The following XIRP2 variants were observed in gnomAD, a reference collection of about 807,000 sequenced individuals.
XIRP2 encodes the protein xin actin-binding repeat-containing protein 2.
In XIRP2, 236 loss-of-function variants were observed where a neutral mutation model predicts 277.0. The ratio of observed to expected loss-of-function variants is 0.85; its 90% CI spans 0.77 to 0.95. The LOEUF (loss-of-function observed/expected upper bound fraction) is 0.95, where lower values mean the gene tolerates loss of function less well. Ranked by LOEUF, XIRP2 falls within the 40% of genes least tolerant of loss-of-function variation. XIRP2 has a pLI of 0.00. For synonymous variants in XIRP2, 1,490 were observed against 1,416.5 expected (o/e 1.05, Z -1.17); for missense variants, 4,640 against 4,157.5 (o/e 1.12, Z -3.19).
intron 2 of XIRP2, among the ~76,000 whole-genome samples, chr2:167,020,050 T>A (rs1687938447): frequency 6.6e-6 from 1 of 152,074 alleles, no homozygotes; most frequent in Admixed American, 6.6e-5. Flanking sequence ...TCAAGCATAA[T>A]GAAGACCATA....
chr2:167,052,272 T>G (rs1241403099), intron 2 of XIRP2, among the ~76,000 whole-genome samples: 2 of 134,252 alleles, frequency 1.5e-5, no homozygotes, highest in East Asian at 4.6e-4. Context: ...CATTTTATAT[T>G]AAATTATTGT....
Position 167,019,838 on chromosome 2 carries a change from T to C in XIRP2, c.408+115948T>C, listed in dbSNP as rs555007272. Among the ~76,000 whole-genome samples, 21 of 152,162 alleles carry C rather than the reference T, an allele frequency of 1.4e-4. No homozygotes were observed. The Middle Eastern group carries it at 0.01, about 74-fold the overall frequency. On this transcript the variant is annotated intron_variant, in intron 2 of 10. Transcript: ENST00000409195. ...TGTTACACTTACCCCATCTGAAAAATTGTCACATTTTAATGACTGCATTAA... is the reference window on the plus strand; with the variant it reads ...TGTTACACTTACCCCATCTGAAAAACTGTCACATTTTAATGACTGCATTAA...
intron 1 of XIRP2, chr2:166,889,608 G>T: frequency 6.5e-6 from 1 of 153,096 alleles, no homozygotes; most frequent in South Asian, 2.1e-4. Flanking sequence ...GTTTCCAGAT[G>T]ATCACCAGCC....
At chr2:166,894,531 G>A (rs1684190827) in intron 1 of XIRP2, among the ~76,000 whole-genome samples, 1 of 152,106 alleles carries the variant, frequency 6.6e-6, no homozygotes, top group Admixed American at 6.6e-5. Flanking sequence ...TAATTGAGTT[G>A]CTCTTAATAT....
chr2:167,105,038 C>T (rs968043081), intron 2 of XIRP2, among the ~76,000 whole-genome samples: 1 of 152,064 alleles, frequency 6.6e-6, no homozygotes, highest in Non-Finnish European at 1.5e-5. Context: ...TATTGAATAG[C>T]AAAACCCACT....
intron 2 of XIRP2, among the ~76,000 whole-genome samples, chr2:166,984,335 G>T (rs1172286486): frequency 6.6e-6 from 1 of 152,152 alleles, no homozygotes; most frequent in Non-Finnish European, 1.5e-5. Flanking sequence ...CTTTGAAGAA[G>T]ACACAGTAGC....
Position 167,243,503 on chromosome 2 carries a change from T to C in XIRP2, c.2111T>C (p.Leu704Pro), listed in dbSNP as rs1159259024. 1 of 1,614,094 alleles carries C rather than the reference T, an allele frequency of 6.2e-7. No homozygotes were observed. Among genetic ancestry groups the C allele is most frequent in the Non-Finnish European group, 8.5e-7 (1 of 1,179,970 alleles). The change falls in exon 9 of 11, where the codon CTT becomes CCT. Residue 704 changes from leucine (L) to proline (P), a missense_variant. Coordinates refer to ENST00000409195, the MANE Select transcript of XIRP2 (RefSeq NM_152381.6). Reference sequence around the variant, plus strand: ...TTTGAAACTCAACATCTAGATCAACTTGGACAGCTTCATTCAGTGGATGAG... The same window carrying C: ...TTTGAAACTCAACATCTAGATCAACCTGGACAGCTTCATTCAGTGGATGAG... Reference protein sequence around the residue: ...YMFETQHLDQLGQLHSVDEVH... With the variant: ...YMFETQHLDQPGQLHSVDEVH...
chr2:166,922,021 T>C (rs988106321), intron 2 of XIRP2, among the ~76,000 whole-genome samples: 4 of 152,150 alleles, frequency 2.6e-5, no homozygotes, highest in African/African-American at 4.8e-5. Context: ...GCTTCTTTCA[T>C]TGGCCTTTTT....
intron 3 of XIRP2, among the ~76,000 whole-genome samples, chr2:167,194,048 T>C (rs889518835): frequency 3.9e-5 from 6 of 151,912 alleles, no homozygotes; most frequent in African/African-American, 1.2e-4. Context: ...GATATATAAA[T>C]TTTCATTGTT....
Position 167,243,823 on chromosome 2 carries a change from T to G in XIRP2, c.2431T>G (p.Leu811Val). 1 of 1,613,884 alleles carries G rather than the reference T, an allele frequency of 6.2e-7. No homozygotes were observed. The highest frequency in any genetic ancestry group is 8.5e-7 in the Non-Finnish European group (1 of 1,179,932). ...AGGTGGGGTGAGTAAGGCAAAGTGG[T>G]TATTTGAAACCCAACCTTTGGAGAA... ...VKGGVSKAKW[L>V]FETQPLEKIK... Residue 811 changes from leucine (L) to valine (V), a missense_variant, in exon 9 of 11, where the codon TTA becomes GTA. Coordinates refer to ENST00000409195, the MANE Select transcript of XIRP2 (RefSeq NM_152381.6).
At chr2:167,071,231 G>C (rs903419754) in intron 2 of XIRP2, among the ~76,000 whole-genome samples, 2 of 152,124 alleles carry the variant, frequency 1.3e-5, no homozygotes, top group Non-Finnish European at 2.9e-5. Flanking sequence ...GTTTTAAACT[G>C]GGTTGGTTAA....
At chr2:167,197,633 A>G (rs1693556369) in intron 3 of XIRP2, among the ~76,000 whole-genome samples, 1 of 152,012 alleles carries the variant, frequency 6.6e-6, no homozygotes, top group Non-Finnish European at 1.5e-5. Context: ...TATTTTTCCC[A>G]CCCTTGCATG....
chr2:166,925,956 C>A (rs997486395), intron 2 of XIRP2, among the ~76,000 whole-genome samples: 4 of 151,722 alleles, frequency 2.6e-5, no homozygotes, highest in African/African-American at 9.7e-5. Context: ...TGCTTGTAGT[C>A]CCATCTACTT....
chr2:166,941,132 G>A (rs1462810019), intron 2 of XIRP2, among the ~76,000 whole-genome samples: 1 of 152,132 alleles, frequency 6.6e-6, no homozygotes, highest in Non-Finnish European at 1.5e-5. Context: ...ACCTACTCAA[G>A]CCTCATCAAT....
chr2:167,224,674 G>A (rs1694540575), intron 5 of XIRP2, among the ~76,000 whole-genome samples: 1 of 152,018 alleles, frequency 6.6e-6, no homozygotes, highest in South Asian at 2.1e-4. Context: ...TTAGTATATT[G>A]CCTAGCATAT....
intron 2 of XIRP2, among the ~76,000 whole-genome samples, chr2:167,091,136 C>CT (rs1318544573): frequency 4.6e-5 from 7 of 152,082 alleles, no homozygotes; most frequent in Admixed American, 2.0e-4. Context: ...AATGCTACTT[C>CT]TTTGTCATTG....
At chr2:167,221,059 T>C (rs16853244) in intron 5 of XIRP2, among the ~76,000 whole-genome samples, 44,170 of 152,050 alleles carry the variant, frequency 0.29, 8,681 homozygotes, top group African/African-American at 0.56. Context: ...TTGAATAAAG[T>C]TAAGCCATAA....
At chr2:167,116,169 T>C (rs948270086) in intron 2 of XIRP2, among the ~76,000 whole-genome samples, 2 of 152,196 alleles carry the variant, frequency 1.3e-5, no homozygotes, top group African/African-American at 2.4e-5. Context: ...ATGGTACTGA[T>C]GATTTTTTCT....
chr2:167,082,861 A>T (rs1689782229), intron 2 of XIRP2, among the ~76,000 whole-genome samples: 1 of 152,122 alleles, frequency 6.6e-6, no homozygotes, highest in Non-Finnish European at 1.5e-5. Flanking sequence ...TCAGATGAGT[A>T]GGTTGTGAAC....
Sources: gnomAD v4.1 joint callset for allele counts (sites outside exome capture counted in the v4.1 genomes callset) on GRCh38, gnomAD v4.1.1 for gene constraint, MANE v1.5 for transcripts, NCBI Gene and HGNC (gene_info 2026-07-23, HGNC 2026-07-21) for gene names.